The following DNAH10 variants were observed in gnomAD, a reference collection of about 807,000 sequenced individuals.
DNAH10 encodes the protein dynein axonemal heavy chain 10, also known as axonemal beta dynein heavy chain 10.
Under a neutral mutation model 506.6 loss-of-function variants are expected in DNAH10, and 348 were observed. The observed-to-expected ratio is 0.69, with a 90% CI of 0.63 to 0.75. The LOEUF (loss-of-function observed/expected upper bound fraction) is 0.75, where lower values mean the gene tolerates loss of function less well. Ranked by LOEUF, DNAH10 falls within the 30% of genes least tolerant of loss-of-function variation. The pLI, the probability that DNAH10 is intolerant of heterozygous loss-of-function variation, is 0.00. For synonymous variants in DNAH10, 2,059 were observed against 2,198.6 expected, an observed-to-expected ratio of 0.94 and a Z score of 1.78; for missense variants, 5,179 against 5,787.1, an observed-to-expected ratio of 0.89 and a Z score of 3.41.
chr12:123,888,304 C>T (rs78669454), intron 52 of DNAH10, among the ~76,000 whole-genome samples: 2,100 of 152,308 alleles, frequency 0.014, 51 homozygotes, highest in African/African-American at 0.048. Context: ...AAACTGAGGC[C>T]CCTGTAGAGG....
Position 123,789,910 on chromosome 12 carries a change from TC to T in DNAH10, c.1621-15del. ...AACCCAAATGTAATCTCCTCATTGT[TC>T]CGTTTGATTGGACAGATTTTGGAGG... is the stretch of plus-strand genomic sequence containing the variant. On this transcript the variant is annotated splice_polypyrimidine_tract_variant and intron_variant, in intron 10 of 78. Transcript: ENST00000673944. 6.2e-7 allele frequency: 1 copy of T among 1,605,646 alleles called. No homozygotes were observed. Among genetic ancestry groups the T allele is most frequent in the Non-Finnish European group, 8.5e-7 (1 of 1,174,220 alleles).
intron 5 of DNAH10, among the ~76,000 whole-genome samples, chr12:123,777,806 G>T (rs2136003605): frequency 6.7e-6 from 1 of 149,028 alleles, no homozygotes; most frequent in East Asian, 2.0e-4. Flanking sequence ...TTAGCCAGGT[G>T]CACGCCACAA....
intron 30 of DNAH10, among the ~76,000 whole-genome samples, chr12:123,843,680 C>T (rs974397570): frequency 1.3e-5 from 2 of 152,130 alleles, no homozygotes; most frequent in Non-Finnish European, 2.9e-5. Flanking sequence ...CAGGTTCAAG[C>T]GATTCTCCTG....
chr12:123,878,011 G>A (rs1211264411), intron 48 of DNAH10, 103 bp downstream of exon 48: 1 of 1,374,926 alleles, frequency 7.3e-7, no homozygotes, highest in East Asian at 2.3e-5. Flanking sequence ...ATCGTTGTAT[G>A]AATTAATTAC....
chr12:123,846,275 C>T lies in DNAH10; in HGVS notation c.5814+121C>T, dbSNP rs1239210064. Reference sequence around the variant, plus strand: ...AGGGGAGATCATTGCTTTGAAATCTCGAAAAGCTTTTCCATTTGGGATGTG... The same window carrying T: ...AGGGGAGATCATTGCTTTGAAATCTTGAAAAGCTTTTCCATTTGGGATGTG... On this transcript the variant is annotated intron_variant, in intron 32 of 78. Transcript: ENST00000673944. The surrounding 1 kb of genome is among the most constrained non-coding windows in gnomAD (Gnocchi z 4.5). 11 of 1,278,996 alleles carry T rather than the reference C, an allele frequency of 8.6e-6. No individual in the cohort carries two copies. The East Asian group carries it at 1.8e-4, about 21-fold the overall frequency. 79.2% of individuals were successfully genotyped at this position (1,278,996 alleles called of 1,614,324 possible). A position where few individuals can be genotyped will look rare whatever the true frequency, so the allele number is the denominator to read the frequency against.
intron 18 of DNAH10, among the ~76,000 whole-genome samples, chr12:123,805,576 G>A (rs1029206721): frequency 6.6e-6 from 1 of 152,176 alleles, no homozygotes; most frequent in African/African-American, 2.4e-5. Context: ...CCCACAGACT[G>A]TTCTGGGGTG....
chr12:123,762,527 C>G lies in DNAH10; in HGVS notation c.191C>G (p.Pro64Arg), dbSNP rs572124409. 2 of 1,558,616 alleles carry G rather than the reference C, an allele frequency of 1.3e-6. No homozygotes were observed. The highest frequency in any genetic ancestry group is 1.7e-6 in the Non-Finnish European group (2 of 1,152,434). Reference protein sequence around the residue: ...SALFIYRTMVPEEVEVEIDEI... With the variant: ...SALFIYRTMVREEVEVEIDEI... ...CTCTTCATCTACCGCACTATGGTGCCGGAGGAGGTGGAGGTGGAGATTGGT... is the reference window on the plus strand; with the variant it reads ...CTCTTCATCTACCGCACTATGGTGCGGGAGGAGGTGGAGGTGGAGATTGGT... The change falls in exon 1 of 79, where the codon CCG becomes CGG. Residue 64 changes from proline (P) to arginine (R), a missense_variant. By Grantham distance (103) the Pro-to-Arg change is moderately radical. Around this residue, in one of 3 missense-constraint regions of DNAH10, gnomAD observed 326 missense variants for 330.8 expected, o/e 0.99. Coordinates refer to ENST00000673944, the MANE Select transcript of DNAH10 (RefSeq NM_001372106.1). This position sits in a 1 kb window ranked among gnomAD's most constrained non-coding sequence, Gnocchi z 5.0.
In DNAH10 at chr12:123,933,524, C is replaced by T. The variant is rs1010588764; in HGVS notation, c.13477+13C>T. On this transcript the variant is annotated intron_variant, in intron 77 of 78. Coordinates refer to ENST00000673944, the MANE Select transcript of DNAH10 (RefSeq NM_001372106.1). ...CGGGCGGGACAAGGTACCGTCAGCT[C>T]GTTAGGGATCCACAGCCTCTCACTT... 35 of 1,574,900 alleles carry T rather than the reference C, an allele frequency of 2.2e-5. No homozygotes were observed. The highest frequency in any genetic ancestry group is 3.5e-5 in the South Asian group (3 of 86,406).
chr12:123,811,583 C>T (rs1377472946), intron 19 of DNAH10, among the ~76,000 whole-genome samples: 1 of 152,088 alleles, frequency 6.6e-6, no homozygotes, highest in Non-Finnish European at 1.5e-5. Flanking sequence ...TCACTGCAAG[C>T]TCCGCCTTCC....
Position 123,820,571 on chromosome 12 carries a change from A to C in DNAH10, c.4001-9A>C. 1 of 1,611,970 alleles carries C rather than the reference A, an allele frequency of 6.2e-7. No homozygotes were observed. The highest frequency in any genetic ancestry group is 8.5e-7 in the Non-Finnish European group (1 of 1,179,102). On this transcript the variant is annotated splice_polypyrimidine_tract_variant and intron_variant, in intron 23 of 78. Coordinates refer to ENST00000673944, the MANE Select transcript of DNAH10 (RefSeq NM_001372106.1). ...TATTTATTCACTCATCGGTGTATTT[A>C]TTTACTAGGAGTAGAGCTTTTAGGT...
At position 123,926,619 on chromosome 12, in the gene DNAH10, CTG is replaced by C. The variant is rs796767173; in HGVS notation, c.11922-14_11922-13del. The C allele has an allele frequency of 2.5e-6, 4 of 1,607,118 alleles. No homozygotes were observed. The highest frequency in any genetic ancestry group is 1.3e-5 in the African/African-American group (1 of 74,644). On this transcript the variant is annotated splice_polypyrimidine_tract_variant and intron_variant, in intron 68 of 78. Transcript: ENST00000673944. This position sits in a 1 kb window ranked among gnomAD's most constrained non-coding sequence, Gnocchi z 4.1. ...CTGTCCTCGCGGGAGAGTTTTCTGACTGTGTTTCTTTCACCAGGTATGTGCAG... is the reference window on the plus strand; with the variant it reads ...CTGTCCTCGCGGGAGAGTTTTCTGACTGTTTCTTTCACCAGGTATGTGCAG...
In DNAH10 at chr12:123,902,976, G is replaced by A. The variant is rs1277851155; in HGVS notation, c.9678G>A (p.Met3226Ile). The change falls in exon 57 of 79, where the codon ATG becomes ATA. Residue 3226 changes from methionine (M) to isoleucine (I), a missense_variant. Physicochemically the swap from Met to Ile is conservative, Grantham distance 10. Around this residue, in one of 3 missense-constraint regions of DNAH10, gnomAD observed 4,844 missense variants for 5,430.5 expected, o/e 0.89. Coordinates refer to ENST00000673944, the MANE Select transcript of DNAH10 (RefSeq NM_001372106.1). The surrounding 1 kb of genome is among the most constrained non-coding windows in gnomAD (Gnocchi z 4.5). ...AGAAACTGGCAGAGGAAAAGGCCAT[G>A]GAGATAGAGGAGCAGAACAAAGTCA... ...EKKKLAEEKA[M>I]EIEEQNKVIA... 2.5e-6 allele frequency: 4 copies of A among 1,593,282 alleles called. No homozygotes were observed. The Middle Eastern group carries it at 5.0e-4, about 198-fold the overall frequency.
chr12:123,776,526 T>C (rs1369187791), intron 5 of DNAH10, among the ~76,000 whole-genome samples: 1 of 151,116 alleles, frequency 6.6e-6, no homozygotes, highest in Non-Finnish European at 1.5e-5. Flanking sequence ...GAGAAACAGA[T>C]ATGGAGGGAA....
chr12:123,796,812 G>C lies in DNAH10; in HGVS notation c.2143G>C (p.Asp715His). Residue 715 changes from aspartate to histidine, a missense_variant, in exon 13 of 79, where the codon GAC becomes CAC. Physicochemically the swap from Asp to His is moderately conservative, Grantham distance 81 (BLOSUM62 -1). This residue lies in a region of DNAH10 where 4,844 missense variants were observed against 5,430.5 expected (regional missense o/e 0.89). Coordinates refer to ENST00000673944, the MANE Select transcript of DNAH10 (RefSeq NM_001372106.1). ...LRFQEVQEIL[D>H]SDRGQEVKQK... is the part of the protein sequence containing the mutation. ...ATTTCAAGAGGTACAAGAGATACTG[G>C]ACAGTGATCGAGGACAGGAGGTATG... 6.2e-7 allele frequency: 1 copy of C among 1,611,722 alleles called. No individual in the cohort carries two copies. Among genetic ancestry groups the C allele is most frequent in the Non-Finnish European group, 8.5e-7 (1 of 1,179,364 alleles).
chr12:123,922,852 A>G (rs1174631540), intron 65 of DNAH10: 2 of 152,064 alleles, frequency 1.3e-5, no homozygotes, highest in African/African-American at 4.8e-5. Flanking sequence ...TTTGAACTTA[A>G]TCACCTATTT....
At position 123,772,849 on chromosome 12, in the gene DNAH10, A is replaced by G. The variant is rs779874174; in HGVS notation, c.412A>G (p.Ile138Val). 3.1e-6 allele frequency: 5 copies of G among 1,606,244 alleles called. No individual in the cohort carries two copies. The East Asian group carries it at 8.9e-5, about 29-fold the overall frequency. ...KLPSKRTAKH[I>V]MEKMHLHMLC... ...CATGTTTCAGAGAACTGCGAAGCAC[A>G]TCATGGAAAAGATGCATCTCCACAT... The change falls in exon 4 of 79, where the codon ATC (isoleucine) becomes GTC (valine). Residue 138 changes from isoleucine (I) to valine (V), a missense_variant. Coordinates refer to ENST00000673944, the MANE Select transcript of DNAH10 (RefSeq NM_001372106.1).
chr12:123,839,529 C>T (rs958391069), intron 29 of DNAH10, among the ~76,000 whole-genome samples: 1 of 152,108 alleles, frequency 6.6e-6, no homozygotes, highest in African/African-American at 2.4e-5. Flanking sequence ...CTAAATAACC[C>T]TCTCCACTAC....
intron 47 of DNAH10, 145 bp from the exon 48 acceptor site, chr12:123,877,591 C>T (rs1336618991): frequency 1.1e-5 from 12 of 1,139,294 alleles, no homozygotes; most frequent in Non-Finnish European, 1.4e-5. Flanking sequence ...GCTGGGATTA[C>T]AGGCATGAGC....
chr12:123,778,340 C>T (rs973508462), intron 5 of DNAH10, among the ~76,000 whole-genome samples: 2 of 152,174 alleles, frequency 1.3e-5, no homozygotes, highest in Non-Finnish European at 2.9e-5. Flanking sequence ...ATGCCAGCCA[C>T]AGATGGGATA....
Sources: gnomAD v4.1 joint callset for allele counts (sites outside exome capture counted in the v4.1 genomes callset) on GRCh38, gnomAD v4.1.1 for gene constraint, gnomAD v4.1.1 regional missense constraint, Gnocchi (gnomAD v3.1) non-coding constraint, MANE v1.5 for transcripts, NCBI Gene and HGNC (gene_info 2026-07-23, HGNC 2026-07-21) for gene names.